LMX1B: variants seen among roughly 807,000 people sequenced by gnomAD.
LMX1B encodes LIM homeobox transcription factor 1 beta.
Under a neutral mutation model 51.4 loss-of-function variants are expected in LMX1B, and 12 were observed. That is an observed-to-expected ratio of 0.23 (90% CI 0.15 to 0.38). The LOEUF (loss-of-function observed/expected upper bound fraction) is 0.38, where lower values mean the gene tolerates loss of function less well. LMX1B is among the 10% of genes least tolerant of loss of function. LMX1B has a pLI of 1.00. For synonymous variants in LMX1B, 237 were observed against 235.4 expected (o/e 1.01, Z -0.06); for missense variants, 445 against 571.1 (o/e 0.78, Z 2.25).
Position 126,695,876 on chromosome 9 carries a change from C to G in LMX1B, c.924C>G (p.Ser308=). The G allele has an allele frequency of 3.1e-6, 5 of 1,613,242 alleles. No homozygotes were observed. The South Asian group carries it at 3.3e-5, about 11-fold the overall frequency. The change falls in exon 7 of 8, where the codon TCC becomes TCG. Residue 308 remains serine, a synonymous_variant. Coordinates refer to ENST00000373474, the MANE Select transcript of LMX1B (RefSeq NM_001174147.2). The surrounding 1 kb of genome is among the most constrained non-coding windows in gnomAD (Gnocchi z 5.2). ...LSSRMEGMMA[S]YTPLAPPQQQ... ...GCCGCATGGAGGGCATGATGGCTTC[C>G]TACACGCCGCTGGCCCCACCACAGC...
chr9:126,660,185 A>G (rs1416248287), intron 2 of LMX1B, among the ~76,000 whole-genome samples: 1 of 149,684 alleles, frequency 6.7e-6, no homozygotes, highest in Non-Finnish European at 1.5e-5. Context: ...GGGTATCTAC[A>G]CTGGCTTCAG....
rs73596771 is a variant in LMX1B, at chr9:126,677,184, C to T, written c.327-13652C>T. On this transcript the variant is annotated intron_variant, in intron 2 of 7. Transcript: ENST00000373474. This position sits in a 1 kb window ranked among gnomAD's most constrained non-coding sequence, Gnocchi z 5.0. ...GCGCAGGAGACCCAGGGATGTGGTC[C>T]CCCAGATTCTCTTCTCCATCCCTGG... 0.072 allele frequency among the ~76,000 whole-genome samples: 10,983 copies of T among 152,166 alleles called. 1,312 individuals carry two copies. The highest frequency in any genetic ancestry group is 0.25 in the African/African-American group (10,265 of 41,468).
At chr9:126,679,221 G>C (rs1416591574) in intron 2 of LMX1B, among the ~76,000 whole-genome samples, 1 of 150,262 alleles carries the variant, frequency 6.7e-6, no homozygotes, top group Non-Finnish European at 1.5e-5. Flanking sequence ...GCCCTTTCAG[G>C]AGGAACTGAG....
chr9:126,621,411 T>C (rs11787961), intron 2 of LMX1B, among the ~76,000 whole-genome samples: 8,620 of 152,232 alleles, frequency 0.057, 331 homozygotes, highest in Non-Finnish European at 0.087. Context: ...CAAAATTATA[T>C]ATATTTATTA....
At chr9:126,681,073 G>C (rs530039362) in intron 2 of LMX1B, among the ~76,000 whole-genome samples, 33 of 152,244 alleles carry the variant, frequency 2.2e-4, no homozygotes, top group African/African-American at 7.7e-4. Flanking sequence ...ACCACCCATC[G>C]GAAGTCAGAG....
Position 126,651,854 on chromosome 9 carries a change from G to A in LMX1B, c.326+36285G>A, listed in dbSNP as rs185598968. On this transcript the variant is annotated intron_variant, in intron 2 of 7. Coordinates refer to ENST00000373474, the MANE Select transcript of LMX1B (RefSeq NM_001174147.2). ...CTGCTCTGAGGAATCCGACAAACTG[G>A]TGAGTCCCCTATGAGTAGGACCCTA... 4.0e-3 allele frequency among the ~76,000 whole-genome samples: 606 copies of A among 152,302 alleles called. 4 individuals carry two copies. Among genetic ancestry groups the A allele is most frequent in the African/African-American group, 0.014 (582 of 41,570 alleles).
intron 2 of LMX1B, among the ~76,000 whole-genome samples, chr9:126,681,065 C>G (rs1209714404): frequency 6.6e-6 from 1 of 152,160 alleles, no homozygotes; most frequent in African/African-American, 2.4e-5. Context: ...ATATCCCCAC[C>G]ACCCATCGGA....
intron 2 of LMX1B, among the ~76,000 whole-genome samples, chr9:126,645,191 G>A (rs565625726): frequency 6.6e-6 from 1 of 152,282 alleles, no homozygotes; most frequent in African/African-American, 2.4e-5. Context: ...ACCTCCCAGA[G>A]ACCACCTCTC....
At position 126,673,039 on chromosome 9, in the gene LMX1B, G is replaced by A. The variant is rs1186763070; in HGVS notation, c.327-17797G>A. 6.6e-6 allele frequency among the ~76,000 whole-genome samples: 1 copy of A among 152,252 alleles called. No individual in the cohort carries two copies. The highest frequency in any genetic ancestry group is 1.5e-5 in the Non-Finnish European group (1 of 68,048). On this transcript the variant is annotated intron_variant, in intron 2 of 7. Coordinates refer to ENST00000373474, the MANE Select transcript of LMX1B (RefSeq NM_001174147.2). This position sits in a 1 kb window ranked among gnomAD's most constrained non-coding sequence, Gnocchi z 4.4. Reference sequence around the variant, plus strand: ...TTCGGCTTTTGCCCAACCACATGCTGACCTATCTCTTACTGGGGGCTCTGG... The same window carrying A: ...TTCGGCTTTTGCCCAACCACATGCTAACCTATCTCTTACTGGGGGCTCTGG...
Position 126,696,291 on chromosome 9 carries a change from C to A in LMX1B, c.1052-3C>A, listed in dbSNP as rs1415792082. On this transcript the variant is annotated splice_region_variant and splice_polypyrimidine_tract_variant and intron_variant, in intron 7 of 7. Coordinates refer to ENST00000373474, the MANE Select transcript of LMX1B (RefSeq NM_001174147.2). The stretch of plus-strand genomic sequence containing the variant: ...CGGTCCTGACACCCCTTCTGCCCCC[C>A]AGGGAACGACTCCATCTTCCATGAC... 1.9e-6 allele frequency: 3 copies of A among 1,614,022 alleles called. No homozygotes were observed. Among genetic ancestry groups the A allele is most frequent in the South Asian group, 2.2e-5 (2 of 91,090 alleles).
chr9:126,659,009 G>A (rs2077447104), intron 2 of LMX1B, among the ~76,000 whole-genome samples: 1 of 152,216 alleles, frequency 6.6e-6, no homozygotes, highest in African/African-American at 2.4e-5. Flanking sequence ...AGAGGCGGGT[G>A]TTCTGGGGCT....
chr9:126,679,336 AGTATTT>A (rs1233967940), intron 2 of LMX1B, among the ~76,000 whole-genome samples: 3 of 151,958 alleles, frequency 2.0e-5, no homozygotes, highest in Non-Finnish European at 2.9e-5. Flanking sequence ...GATGTAGCTA[AGTATTT>A]GTGAGCTGGA....
chr9:126,622,529 G>T (rs1835434988), intron 2 of LMX1B, among the ~76,000 whole-genome samples: 1 of 152,240 alleles, frequency 6.6e-6, no homozygotes, highest in African/African-American at 2.4e-5. Context: ...AGGAACTTCA[G>T]CAGCGGTGAC....
At chr9:126,694,885 C>T (rs908286506) in intron 6 of LMX1B, among the ~76,000 whole-genome samples, 11 of 152,110 alleles carry the variant, frequency 7.2e-5, no homozygotes, top group African/African-American at 2.2e-4. Context: ...GTCCCACAGT[C>T]CCCCCAGCTC....
intron 6 of LMX1B, among the ~76,000 whole-genome samples, chr9:126,694,928 C>T (rs2030271901): frequency 6.6e-6 from 1 of 152,086 alleles, no homozygotes; most frequent in African/African-American, 2.4e-5. Flanking sequence ...CCATCCTGCC[C>T]ACACGCACAT....
intron 2 of LMX1B, among the ~76,000 whole-genome samples, chr9:126,680,151 G>C (rs1306029239): frequency 6.6e-6 from 1 of 152,200 alleles, no homozygotes; most frequent in Non-Finnish European, 1.5e-5. Flanking sequence ...CCATAACCCT[G>C]GTGCCCCCAG....
At chr9:126,643,267 T>G (rs1295670342) in intron 2 of LMX1B, among the ~76,000 whole-genome samples, 2 of 151,988 alleles carry the variant, frequency 1.3e-5, no homozygotes, top group Admixed American at 6.6e-5. Flanking sequence ...CAGGAGGAAC[T>G]GGGGGTCTCA....
At chr9:126,686,136 C>T (rs114202532) in intron 2 of LMX1B, among the ~76,000 whole-genome samples, 3,983 of 151,914 alleles carry the variant, frequency 0.026, 152 homozygotes, top group African/African-American at 0.088. Flanking sequence ...AAAAATTAGC[C>T]GGGCGTGGTG....
At chr9:126,619,078 A>C (rs950291086) in intron 2 of LMX1B, among the ~76,000 whole-genome samples, 1 of 152,138 alleles carries the variant, frequency 6.6e-6, no homozygotes, top group African/African-American at 2.4e-5. Flanking sequence ...TCGCCTGTCC[A>C]GGTAGGATGT....
Sources: gnomAD v4.1 joint callset for allele counts (sites outside exome capture counted in the v4.1 genomes callset) on GRCh38, gnomAD v4.1.1 for gene constraint, Gnocchi (gnomAD v3.1) non-coding constraint, MANE v1.5 for transcripts, NCBI Gene and HGNC (gene_info 2026-07-23, HGNC 2026-07-21) for gene names.